KCNAB1: variants seen among roughly 807,000 people sequenced by gnomAD.
KCNAB1 encodes the protein voltage-gated potassium channel subunit beta-1.
A neutral mutation model predicts 64.6 loss-of-function variants in KCNAB1; 35 were observed. The ratio of observed to expected loss-of-function variants is 0.54; its 90% confidence interval spans 0.41 to 0.72. KCNAB1 has a LOEUF of 0.72. Ranked by LOEUF, KCNAB1 falls within the 30% of genes least tolerant of loss-of-function variation. The probability of loss-of-function intolerance (pLI) is 0.00; values close to 1 mark genes in which losing one functional copy is unlikely to be tolerated. For missense variants in KCNAB1, 401 were observed against 512.9 expected, an observed-to-expected ratio of 0.78 and a Z score of 2.11; for synonymous variants, 177 against 183.8, an observed-to-expected ratio of 0.96 and a Z score of 0.30.
At chr3:156,514,474 G>A in intron 9 of KCNAB1, 25 bp downstream of exon 9, 2 of 1,530,074 alleles carry the variant, frequency 1.3e-6, no homozygotes, top group Non-Finnish European at 9.1e-7. Context: ...ATTTTTAAAT[G>A]GCTATTGAGT....
intron 2 of KCNAB1, among the ~76,000 whole-genome samples, chr3:156,438,888 C>T (rs1716782800): frequency 1.3e-5 from 2 of 152,120 alleles, no homozygotes; most frequent in African/African-American, 4.8e-5. Flanking sequence ...GTGGCGTGTG[C>T]CTATAGTTCC....
chr3:156,281,345 T>C (rs1719700870), intron 1 of KCNAB1, among the ~76,000 whole-genome samples: 2 of 151,972 alleles, frequency 1.3e-5, no homozygotes, highest in African/African-American at 4.8e-5. Context: ...AGCTTTTTGA[T>C]GTGCTGCTGG....
intron 1 of KCNAB1, among the ~76,000 whole-genome samples, chr3:156,284,086 T>C (rs1192440259): frequency 6.6e-6 from 1 of 152,158 alleles, no homozygotes; most frequent in African/African-American, 2.4e-5. Context: ...TTTTTCCCCA[T>C]CTTTGTGGTT....
chr3:156,139,616 C>T (rs1245658411), intron 1 of KCNAB1, among the ~76,000 whole-genome samples: 1 of 62,528 alleles, frequency 1.6e-5, no homozygotes, highest in Non-Finnish European at 3.7e-5. Context: ...TTTTTGTTCC[C>T]CCTAGCTTTT....
At chr3:156,455,219 C>G (rs1712312064) in intron 3 of KCNAB1, among the ~76,000 whole-genome samples, 1 of 152,232 alleles carries the variant, frequency 6.6e-6, no homozygotes, top group Non-Finnish European at 1.5e-5. Context: ...CCTGCTTTCT[C>G]TCTGGCGTCA....
chr3:156,498,700 G>A (rs1337052593), intron 8 of KCNAB1, among the ~76,000 whole-genome samples: 1 of 152,196 alleles, frequency 6.6e-6, no homozygotes, highest in Non-Finnish European at 1.5e-5. Flanking sequence ...CAACACCGTA[G>A]ATATCTCAGT....
At chr3:156,530,890 T>C (rs1466638174) in intron 12 of KCNAB1, among the ~76,000 whole-genome samples, 3 of 152,054 alleles carry the variant, frequency 2.0e-5, no homozygotes, top group African/African-American at 7.2e-5. Flanking sequence ...GAAACAGGAA[T>C]CCAGCCATCT....
chr3:156,495,232 A>G (rs558827136), intron 8 of KCNAB1, among the ~76,000 whole-genome samples: 2 of 152,234 alleles, frequency 1.3e-5, no homozygotes, highest in African/African-American at 4.8e-5. Context: ...ATAGTATTCC[A>G]TGGTATGTGA....
chr3:156,538,223 T>TTTAA lies in KCNAB1; in HGVS notation c.*1479_*1482dup, dbSNP rs965398839. On this transcript the variant is annotated 3_prime_UTR_variant, in exon 14 of 14. Coordinates refer to ENST00000490337, the MANE Select transcript of KCNAB1 (RefSeq NM_172160.3). ...TATCTGAGGATGTACAAAATTCTCA[T>TTTAA]TTAATTTTCTGGTCAGCAAGTTCCC... 6.6e-6 allele frequency: 1 copy of TTTAA among 152,096 alleles called. No homozygotes were observed. The highest frequency in any genetic ancestry group is 2.4e-5 in the African/African-American group (1 of 41,394). 9.4% of individuals were successfully genotyped at this position (152,096 alleles called of 1,614,324 possible). A position where few individuals can be genotyped will look rare whatever the true frequency, so the allele number is the denominator to read the frequency against.
At chr3:156,131,921 G>T (rs10936024) in intron 1 of KCNAB1, among the ~76,000 whole-genome samples, 82,048 of 151,916 alleles carry the variant, frequency 0.54, 23,266 homozygotes, top group Admixed American at 0.7. Context: ...GCAGGTGGAG[G>T]CCCCATTTTG....
At chr3:156,252,611 T>C (rs1362125184) in intron 1 of KCNAB1, among the ~76,000 whole-genome samples, 7 of 152,182 alleles carry the variant, frequency 4.6e-5, no homozygotes, top group Non-Finnish European at 1.0e-4. Flanking sequence ...TTCCCTAGAA[T>C]TGGCACATAG....
intron 1 of KCNAB1, among the ~76,000 whole-genome samples, chr3:156,179,933 G>T (rs193249407): frequency 6.6e-6 from 1 of 152,204 alleles, no homozygotes; most frequent in East Asian, 1.9e-4. Flanking sequence ...CTATGTGGTA[G>T]GCTCTGTATT....
chr3:156,266,284 T>C (rs1157585984), intron 1 of KCNAB1, among the ~76,000 whole-genome samples: 1 of 152,104 alleles, frequency 6.6e-6, no homozygotes, highest in Admixed American at 6.6e-5. Flanking sequence ...TAAAATCAAG[T>C]AGAGGGAAGG....
chr3:156,379,411 A>T (rs1421119068), intron 1 of KCNAB1, among the ~76,000 whole-genome samples: 1 of 152,162 alleles, frequency 6.6e-6, no homozygotes. Flanking sequence ...AGGAAGGTGG[A>T]TGAGGGTGTT....
At chr3:156,460,864 A>G (rs1172539235) in intron 5 of KCNAB1, among the ~76,000 whole-genome samples, 9 of 152,190 alleles carry the variant, frequency 5.9e-5, no homozygotes, top group Non-Finnish European at 1.2e-4. Flanking sequence ...AGACCCATGT[A>G]TTTTTAGGGC....
At chr3:156,458,252 G>C (rs981842619) in intron 4 of KCNAB1, among the ~76,000 whole-genome samples, 1 of 152,180 alleles carries the variant, frequency 6.6e-6, no homozygotes, top group African/African-American at 2.4e-5. Flanking sequence ...GAACACATAG[G>C]AAATGCGCCA....
intron 1 of KCNAB1, among the ~76,000 whole-genome samples, chr3:156,409,822 C>G (rs1181752700): frequency 1.3e-5 from 2 of 152,160 alleles, no homozygotes; most frequent in Admixed American, 6.5e-5. Flanking sequence ...ATAAAAAGAT[C>G]AAAGTAGAGG....
At chr3:156,457,404 G>T in intron 3 of KCNAB1, 49 bp from the exon 4 acceptor site, 1 of 1,612,218 alleles carries the variant, frequency 6.2e-7, no homozygotes, top group Non-Finnish European at 8.5e-7. Flanking sequence ...TTGCTTCCAG[G>T]TTTGGAAAGC....
rs763838178 is a variant in KCNAB1, at chr3:156,441,880, T to G, written c.320-11019T>G. On this transcript the variant is annotated intron_variant, in intron 2 of 13. Transcript: ENST00000490337. ...AGAAAATGTAAACACTGCCTCCTTT[T>G]CATCTTTAAAATGTAGGAAGGGCTG... is the stretch of plus-strand genomic sequence containing the variant. 7.2e-4 allele frequency among the ~76,000 whole-genome samples: 110 copies of G among 152,290 alleles called. 1 individual carries two copies. Among genetic ancestry groups the G allele is most frequent in the Admixed American group, 5.1e-3 (78 of 15,302 alleles).
Sources: allele counts gnomAD v4.1 joint callset (sites outside exome capture counted in the v4.1 genomes callset), GRCh38; gene constraint gnomAD v4.1.1; transcripts MANE v1.5; gene names NCBI Gene and HGNC (gene_info 2026-07-23, HGNC 2026-07-21).